ERN1: variants seen among roughly 807,000 people sequenced by gnomAD.
ERN1 encodes the protein serine/threonine-protein kinase/endoribonuclease IRE1.
In ERN1, 39 loss-of-function variants were observed where a neutral mutation model predicts 113.1. The ratio of observed to expected loss-of-function variants is 0.34; its 90% CI spans 0.27 to 0.45. ERN1 has a LOEUF of 0.45. Among genes scored for constraint, ERN1 ranks in the 20% least tolerant of loss-of-function variants. The pLI is 1.00. For synonymous variants in ERN1, 507 were observed against 515.9 expected, an observed-to-expected ratio of 0.98 and a Z score of 0.23; for missense variants, 976 against 1,274.8, an observed-to-expected ratio of 0.77 and a Z score of 3.57.
At chr17:64,056,165 TC>T (rs1250645155) in intron 12 of ERN1, among the ~76,000 whole-genome samples, 4 of 152,078 alleles carry the variant, frequency 2.6e-5, no homozygotes, top group Non-Finnish European at 5.9e-5. Flanking sequence ...TACAGCCCAC[TC>T]CCCAACCCTA....
chr17:64,128,161 A>ATTTTTTTTTTTTTT (rs760752335), intron 1 of ERN1, among the ~76,000 whole-genome samples: 2 of 126,400 alleles, frequency 1.6e-5, no homozygotes, highest in African/African-American at 6.4e-5. Context: ...CGCCCGGCTA[A>ATTTTTTTTTTTTTT]TTTTTTTTTT....
chr17:64,070,294 T>G (rs1163662667), intron 6 of ERN1, among the ~76,000 whole-genome samples: 1 of 152,160 alleles, frequency 6.6e-6, no homozygotes, highest in Non-Finnish European at 1.5e-5. Flanking sequence ...CCCTACAGAA[T>G]CATTAACAAT....
intron 1 of ERN1, among the ~76,000 whole-genome samples, chr17:64,118,919 T>C (rs1406322583): frequency 6.6e-6 from 1 of 152,222 alleles, no homozygotes; most frequent in South Asian, 2.1e-4. Context: ...CCCACCCTGA[T>C]AGGAAAGTTC....
chr17:64,127,905 CT>C (rs1391914733), intron 1 of ERN1, among the ~76,000 whole-genome samples: 1 of 151,198 alleles, frequency 6.6e-6, no homozygotes, highest in African/African-American at 2.4e-5. Context: ...TAACTGCAAA[CT>C]TTGCTATGAG....
chr17:64,068,087 A>C lies in ERN1; in HGVS notation c.580+103T>G. 1.3e-5 allele frequency: 10 copies of C among 766,770 alleles called. No homozygotes were observed. The South Asian group carries it at 1.5e-4, about 12-fold the overall frequency. The allele number at this position is 766,770 out of a possible 1,614,324, so 47.5% of individuals were successfully genotyped here. A position where few individuals can be genotyped will look rare whatever the true frequency, so the allele number is the denominator to read the frequency against. ...GTCCATGGAAAGAAAGAACCTGGTGACAAAGAGTATCTTAAAAGAAAATCC... is the reference window on the plus strand; with the variant it reads ...GTCCATGGAAAGAAAGAACCTGGTGCCAAAGAGTATCTTAAAAGAAAATCC... On this transcript the variant is annotated intron_variant, in intron 7 of 21. Transcript: ENST00000433197.
At chr17:64,090,407 C>A (rs1487013627) in intron 2 of ERN1, among the ~76,000 whole-genome samples, 1 of 152,030 alleles carries the variant, frequency 6.6e-6, no homozygotes, top group Non-Finnish European at 1.5e-5. Context: ...TAACTCAGGC[C>A]AAAAAACACA....
chr17:64,104,573 C>G (rs1914472452), intron 1 of ERN1, among the ~76,000 whole-genome samples: 1 of 152,144 alleles, frequency 6.6e-6, no homozygotes, highest in Non-Finnish European at 1.5e-5. Flanking sequence ...AATCCCAGCA[C>G]TTTGGGAGGC....
At chr17:64,071,823 T>C (rs1392028062) in intron 6 of ERN1, among the ~76,000 whole-genome samples, 158 bp downstream of exon 6, 1 of 152,068 alleles carries the variant, frequency 6.6e-6, no homozygotes, top group Non-Finnish European at 1.5e-5. Context: ...CCTTGCACAC[T>C]GGGGGGACAC....
chr17:64,062,098 T>C (rs1056133887), intron 10 of ERN1, among the ~76,000 whole-genome samples: 1 of 152,382 alleles, frequency 6.6e-6, no homozygotes, highest in South Asian at 2.1e-4. Context: ...GTCTCCTTGA[T>C]GTATTCATCT....
chr17:64,070,134 C>G (rs1425828374), intron 6 of ERN1, among the ~76,000 whole-genome samples: 1 of 152,120 alleles, frequency 6.6e-6, no homozygotes, highest in Non-Finnish European at 1.5e-5. Context: ...CATTTTTACT[C>G]AAGAGGGAGC....
intron 1 of ERN1, among the ~76,000 whole-genome samples, chr17:64,125,197 A>G (rs1261050226): frequency 6.6e-6 from 1 of 152,160 alleles, no homozygotes; most frequent in Admixed American, 6.5e-5. Flanking sequence ...AAGATAATAG[A>G]AGGCTTGTTT....
intron 1 of ERN1, chr17:64,102,679 A>C (rs1914419821): frequency 1.0e-6 from 1 of 985,306 alleles, no homozygotes; most frequent in Non-Finnish European, 1.2e-6. Context: ...GTACCTGAAC[A>C]CTGAAAAACG....
chr17:64,093,534 G>A (rs112883050), intron 2 of ERN1, among the ~76,000 whole-genome samples: 2,047 of 152,312 alleles, frequency 0.013, 42 homozygotes, highest in African/African-American at 0.045. Flanking sequence ...GAAGCTGGAA[G>A]TCTGAGATTG....
chr17:64,046,279 A>C (rs766314446), intron 19 of ERN1, among the ~76,000 whole-genome samples: 6 of 152,218 alleles, frequency 3.9e-5, no homozygotes, highest in Non-Finnish European at 7.3e-5. Flanking sequence ...TAGATTGTCA[A>C]CTTGGGTACA....
At chr17:64,068,141 G>A (rs1373493772) in intron 7 of ERN1, 49 bp downstream of exon 7, 1 of 1,327,742 alleles carries the variant, frequency 7.5e-7, no homozygotes, top group South Asian at 1.2e-5. Context: ...TTTCCACATA[G>A]GTCAAAAGTA....
chr17:64,052,936 G>A lies in ERN1; in HGVS notation c.2097C>T (p.Pro699=). Residue 699 remains proline, a synonymous_variant, in exon 17 of 22, where the codon CCC becomes CCT. Transcript: ENST00000433197. ...LKPHNILISM[P]NAHGKIKAMI... ...TGGCCTTGATCTTGCCGTGTGCATT[G>A]GGCATGGATATGAGGATGTTGTGTG... The A allele has an allele frequency of 6.2e-7, 1 of 1,613,632 alleles. No individual in the cohort carries two copies. Among genetic ancestry groups the A allele is most frequent in the African/African-American group, 1.3e-5 (1 of 75,022 alleles).
chr17:64,128,524 G>C (rs1240653188), intron 1 of ERN1, among the ~76,000 whole-genome samples: 2 of 152,114 alleles, frequency 1.3e-5, no homozygotes, highest in Non-Finnish European at 2.9e-5. Context: ...CAGTGACAAA[G>C]TAGCAAAAGG....
rs57611819 is a variant in ERN1 at position 64,062,813 on chromosome 17, C to T, written c.1087+1173G>A. On this transcript the variant is annotated intron_variant, in intron 10 of 21. Transcript: ENST00000433197. ...CTCCAACTACTTCTGTTAATAAAAA[C>T]GTATTATTATTTTGTCATCTCCTTT... 5.2e-3 allele frequency among the ~76,000 whole-genome samples: 796 copies of T among 152,190 alleles called. 8 individuals carry two copies. The highest frequency in any genetic ancestry group is 0.017 in the Middle Eastern group (5 of 294).
At chr17:64,094,650 A>C (rs1175018274) in intron 2 of ERN1, among the ~76,000 whole-genome samples, 14 of 130,728 alleles carry the variant, frequency 1.1e-4, no homozygotes, top group African/African-American at 1.8e-4. Context: ...TTTTAAGGAC[A>C]CTCCACCTTT....
Sources: allele counts gnomAD v4.1 joint callset (sites outside exome capture counted in the v4.1 genomes callset), GRCh38; gene constraint gnomAD v4.1.1; transcripts MANE v1.5; gene names NCBI Gene and HGNC (gene_info 2026-07-23, HGNC 2026-07-21).